SLC23A2: variants seen among roughly 807,000 people sequenced by gnomAD.
The protein encoded by SLC23A2 is solute carrier family 23 member 2.
SLC23A2 carries 36 observed loss-of-function variants against 73.3 expected under a neutral mutation model. The ratio of observed to expected loss-of-function variants is 0.49; its 90% CI spans 0.38 to 0.65. The LOEUF is 0.65. Among genes scored for constraint, SLC23A2 ranks in the 30% least tolerant of loss-of-function variants. SLC23A2 has a pLI of 0.00. For synonymous variants in SLC23A2, 343 were observed against 327.3 expected, an observed-to-expected ratio of 1.05 and a Z score of -0.52; for missense variants, 507 against 841.6, an observed-to-expected ratio of 0.60 and a Z score of 4.92.
rs1374537223 is a variant in SLC23A2 at position 4,896,237 on chromosome 20, G to A, written c.482+3318C>T. ...AGTGCCCCTTCGCTGCCTCAGACAC[G>A]CAGCCCCCTGCACAGCAGGCCCCCA... On this transcript the variant is annotated intron_variant, in intron 6 of 16. Transcript: ENST00000338244. 3.6e-4 allele frequency among the ~76,000 whole-genome samples: 55 copies of A among 152,156 alleles called. 1 individual carries two copies. Among genetic ancestry groups the A allele is most frequent in the Admixed American group, 3.1e-3 (48 of 15,288 alleles).
At chr20:4,954,934 G>A (rs576365721) in intron 2 of SLC23A2, among the ~76,000 whole-genome samples, 15 of 152,120 alleles carry the variant, frequency 9.9e-5, no homozygotes, top group African/African-American at 3.1e-4. Context: ...AGACTGTTCC[G>A]GAAGTTCTAG....
Position 4,884,773 on chromosome 20 carries a change from A to G in SLC23A2, c.622T>C (p.Trp208Arg). The G allele has an allele frequency of 6.2e-7, 1 of 1,606,418 alleles. No homozygotes were observed. Among genetic ancestry groups the G allele is most frequent in the Non-Finnish European group, 8.5e-7 (1 of 1,177,050 alleles). Residue 208 changes from tryptophan to arginine, a missense_variant, in exon 8 of 17, where the codon TGG becomes CGG. Coordinates refer to ENST00000338244, the MANE Select transcript of SLC23A2 (RefSeq NM_005116.6). ...TTTACCTCTCGGATCCGGGGATACCAGATGTGTTCTGTGTGCAACAGCTCT... is the reference window on the plus strand; with the variant it reads ...TTTACCTCTCGGATCCGGGGATACCGGATGTGTTCTGTGTGCAACAGCTCT... ...TAELLHTEHI[W>R]YPRIREIQGA...
intron 1 of SLC23A2, among the ~76,000 whole-genome samples, chr20:5,006,532 C>T (rs976114259): frequency 6.7e-6 from 1 of 149,626 alleles, no homozygotes; most frequent in African/African-American, 2.5e-5. Flanking sequence ...GGCAAATGTT[C>T]ATCTGTAAAA....
chr20:4,966,649 G>C (rs572140574), intron 2 of SLC23A2, among the ~76,000 whole-genome samples: 12 of 151,978 alleles, frequency 7.9e-5, no homozygotes, highest in African/African-American at 2.9e-4. Flanking sequence ...CTTTAATGTA[G>C]CTACCTCAAA....
chr20:4,973,030 A>C (rs1402128847), intron 1 of SLC23A2, among the ~76,000 whole-genome samples: 2 of 152,258 alleles, frequency 1.3e-5, no homozygotes, highest in Non-Finnish European at 2.9e-5. Flanking sequence ...CTTTCAGTTA[A>C]GTTATAATAA....
chr20:5,000,052 G>A (rs1301486604), intron 1 of SLC23A2, among the ~76,000 whole-genome samples: 1 of 152,062 alleles, frequency 6.6e-6, no homozygotes, highest in Non-Finnish European at 1.5e-5. Flanking sequence ...CACACCCACT[G>A]GTGCCCAAAA....
chr20:4,949,405 C>T (rs1439824457), intron 2 of SLC23A2, among the ~76,000 whole-genome samples: 1 of 151,820 alleles, frequency 6.6e-6, no homozygotes, highest in African/African-American at 2.4e-5. Context: ...ACTTTATTTA[C>T]TCTGGAAAGT....
chr20:4,879,408 C>CAAAAAA (rs111565515), intron 9 of SLC23A2, among the ~76,000 whole-genome samples: 1,242 of 42,904 alleles, frequency 0.029, 101 homozygotes, highest in African/African-American at 0.036. Flanking sequence ...AACTCTGTCT[C>CAAAAAA]AAAAAAAAAA....
intron 2 of SLC23A2, among the ~76,000 whole-genome samples, chr20:4,943,674 C>CA (rs552051541): frequency 7.0e-3 from 553 of 78,768 alleles, no homozygotes; most frequent in African/African-American, 8.5e-3. Context: ...GACTCTGTCT[C>CA]AAAAAAAAAA....
intron 1 of SLC23A2, among the ~76,000 whole-genome samples, chr20:4,995,762 G>T (rs2088009079): frequency 6.6e-6 from 1 of 152,116 alleles, no homozygotes; most frequent in African/African-American, 2.4e-5. Context: ...GCAAGAAGCT[G>T]CCCTCCTGCC....
At chr20:4,984,378 C>T (rs906068056) in intron 1 of SLC23A2, among the ~76,000 whole-genome samples, 1 of 152,010 alleles carries the variant, frequency 6.6e-6, no homozygotes, top group Non-Finnish European at 1.5e-5. Flanking sequence ...CACAGTGAAA[C>T]CCCATCTCTA....
rs1473000354 is a variant in SLC23A2, at chr20:4,853,275, C to CCCCAG, written c.*3692_*3696dup. 1 of 152,594 alleles carries CCCCAG rather than the reference C, an allele frequency of 6.6e-6. No homozygotes were observed. Among genetic ancestry groups the CCCCAG allele is most frequent in the African/African-American group, 2.4e-5 (1 of 41,452 alleles). The allele number at this position is 152,594 out of a possible 1,614,324, so 9.5% of individuals were successfully genotyped here. A position where few individuals can be genotyped will look rare whatever the true frequency, so the allele number is the denominator to read the frequency against. ...AGTGTACACCCCATGCACGGCCATC[C>CCCCAG]CCCAGGATGCTGCTGCTTCTCTGGC... is the stretch of plus-strand genomic sequence containing the variant. On this transcript the variant is annotated 3_prime_UTR_variant, in exon 17 of 17. Transcript: ENST00000338244.
intron 1 of SLC23A2, among the ~76,000 whole-genome samples, chr20:4,986,649 T>TACACACACACACACACACACAC (rs55738084): frequency 7.7e-6 from 1 of 129,734 alleles, no homozygotes; most frequent in Non-Finnish European, 1.6e-5. Flanking sequence ...CATACACACA[T>TACACACACACACACACACACAC]ACACACACAC....
chr20:4,980,556 G>A (rs1368596323), intron 1 of SLC23A2, among the ~76,000 whole-genome samples: 3 of 150,612 alleles, frequency 2.0e-5, no homozygotes, highest in Non-Finnish European at 1.5e-5. Context: ...TTTTGAGACG[G>A]GGTCTCATTC....
At position 4,929,523 on chromosome 20, in the gene SLC23A2, C is replaced by G. The variant is rs1477165732; in HGVS notation, c.108+2932G>C. 3.9e-5 allele frequency among the ~76,000 whole-genome samples: 6 copies of G among 152,154 alleles called. No individual in the cohort carries two copies. The East Asian group carries it at 9.7e-4, about 25-fold the overall frequency. ...GATCCATAATGAGAAGACACAAACC[C>G]CACAGAAGCACAGAGAAAGAGATGA... On this transcript the variant is annotated intron_variant, in intron 3 of 16. Transcript: ENST00000338244.
At chr20:4,887,255 T>C (rs192388815) in intron 6 of SLC23A2, among the ~76,000 whole-genome samples, 1 of 152,224 alleles carries the variant, frequency 6.6e-6, no homozygotes, top group Non-Finnish European at 1.5e-5. Context: ...AGTGGGAATG[T>C]ACGTCAAAGG....
At position 4,998,637 on chromosome 20, in the gene SLC23A2, AC is replaced by A. The variant is rs547627324; in HGVS notation, c.-282+2768del. On this transcript the variant is annotated intron_variant, in intron 1 of 16. Transcript: ENST00000338244. This position sits in a 1 kb window ranked among gnomAD's most constrained non-coding sequence, Gnocchi z 4.1. ...TGAGGTTACTGGGCACTGGGAACCA[AC>A]AGACTGGTGTGTGAGAGTTTTATGG... Among the ~76,000 whole-genome samples the A allele has an allele frequency of 6.6e-6, 1 of 152,180 alleles. No homozygotes were observed. The highest frequency in any genetic ancestry group is 1.5e-5 in the Non-Finnish European group (1 of 68,030).
Position 4,902,663 on chromosome 20 carries a change from T to C in SLC23A2, c.208-105A>G, listed in dbSNP as rs2122873745. 2 of 595,356 alleles carry C rather than the reference T, an allele frequency of 3.4e-6. No homozygotes were observed. Among genetic ancestry groups the C allele is most frequent in the Non-Finnish European group, 5.9e-6 (2 of 336,378 alleles). 36.9% of individuals were successfully genotyped at this position (595,356 alleles called of 1,614,324 possible). ...ACAGAAAAACAACTTTATCAAGTGG[T>C]TGCCATCTTCCTGCAGTTTTGAGCC... is the stretch of plus-strand genomic sequence containing the variant. On this transcript the variant is annotated intron_variant, in intron 4 of 16. Coordinates refer to ENST00000338244, the MANE Select transcript of SLC23A2 (RefSeq NM_005116.6). The surrounding 1 kb of genome is among the most constrained non-coding windows in gnomAD (Gnocchi z 4.0).
At chr20:4,898,369 G>A (rs147930123) in intron 6 of SLC23A2, among the ~76,000 whole-genome samples, 1,552 of 152,282 alleles carry the variant, frequency 0.01, 10 homozygotes, top group Middle Eastern at 0.017. Context: ...ATGGCTCACC[G>A]CCCTCCAAGG....
Sources: allele counts gnomAD v4.1 joint callset (sites outside exome capture counted in the v4.1 genomes callset), GRCh38; gene constraint gnomAD v4.1.1; non-coding constraint Gnocchi (gnomAD v3.1); transcripts MANE v1.5; gene names NCBI Gene and HGNC (gene_info 2026-07-23, HGNC 2026-07-21).